PIEZO2: variants seen among roughly 807,000 people sequenced by gnomAD.
PIEZO2 encodes the protein piezo-type mechanosensitive ion channel component 2.
A neutral mutation model predicts 337.3 loss-of-function variants in PIEZO2; 172 were observed. The ratio of observed to expected loss-of-function variants is 0.51; its 90% CI spans 0.45 to 0.58. The LOEUF (loss-of-function observed/expected upper bound fraction) is 0.58. Among genes scored for constraint, PIEZO2 ranks in the 20% least tolerant of loss-of-function variants. The pLI is 0.00. For synonymous variants in PIEZO2, 1,251 were observed against 1,228.5 expected, an observed-to-expected ratio of 1.02 and a Z score of -0.38; for missense variants, 3,028 against 3,391.3, an observed-to-expected ratio of 0.89 and a Z score of 2.66.
chr18:10,697,612 A>G, intron 45 of PIEZO2, 136 bp downstream of exon 45: 1 of 1,151,602 alleles, frequency 8.7e-7, no homozygotes, highest in South Asian at 1.9e-5. Flanking sequence ...AAAAAGGGGT[A>G]ATTTCATTCT....
chr18:10,752,855 C>A lies in PIEZO2; in HGVS notation c.3948G>T (p.Val1316=). 1 of 1,536,794 alleles carries A rather than the reference C, an allele frequency of 6.5e-7. No homozygotes were observed. Among genetic ancestry groups the A allele is most frequent in the South Asian group, 1.2e-5 (1 of 84,008 alleles). ...HCRSYLDMSK[V]IIFSYLFWFV... ...ACCAGAAGAGGTAGCTGAAGATGAT[C>A]ACTTTGGACATGTCTAAGTAAGATC... The change falls in exon 28 of 56, where the codon GTG becomes GTT. Residue 1316 remains valine, a synonymous_variant. Transcript: ENST00000674853.
In PIEZO2 at chr18:10,756,653, G is replaced by T. The variant is rs138834012; in HGVS notation, c.3923+1316C>A. Reference sequence around the variant, plus strand: ...GATGAGGAGGAGGGGTGGGGATGAGGATGAGCTATGAGGATGAGGAGGAGG... The same window carrying T: ...GATGAGGAGGAGGGGTGGGGATGAGTATGAGCTATGAGGATGAGGAGGAGG... On this transcript the variant is annotated intron_variant, in intron 27 of 55. Transcript: ENST00000674853. Among the ~76,000 whole-genome samples the T allele has an allele frequency of 2.2e-3, 326 of 146,604 alleles. 4 individuals are homozygous for T. The highest frequency in any genetic ancestry group is 7.9e-3 in the African/African-American group (315 of 39,742).
chr18:10,849,487 G>A (rs940882060), intron 7 of PIEZO2, among the ~76,000 whole-genome samples: 7 of 152,210 alleles, frequency 4.6e-5, no homozygotes, highest in African/African-American at 1.7e-4. Context: ...TCCCAGTAGT[G>A]AAACAGGAAT....
chr18:10,976,347 C>G (rs1015221590), intron 3 of PIEZO2, among the ~76,000 whole-genome samples: 1 of 152,194 alleles, frequency 6.6e-6, no homozygotes, highest in South Asian at 2.1e-4. Flanking sequence ...TTACAGGCAT[C>G]ACTAGTTTTT....
Position 10,761,130 on chromosome 18 carries a change from C to T in PIEZO2, c.3250-19G>A. Reference sequence around the variant, plus strand: ...GGTTATTCTACAAAGCAAGGAAACACAAATGTGTCAGCCAGAGGCTTTATG... The same window carrying T: ...GGTTATTCTACAAAGCAAGGAAACATAAATGTGTCAGCCAGAGGCTTTATG... On this transcript the variant is annotated intron_variant, in intron 23 of 55. Transcript: ENST00000674853. 2 of 1,529,398 alleles carry T rather than the reference C, an allele frequency of 1.3e-6. No individual in the cohort carries two copies. Among genetic ancestry groups the T allele is most frequent in the Non-Finnish European group, 1.8e-6 (2 of 1,139,798 alleles). The allele number at this position is 1,529,398 out of a possible 1,614,324, so 94.7% of individuals were successfully genotyped here.
intron 3 of PIEZO2, among the ~76,000 whole-genome samples, chr18:10,917,734 G>GT (rs1222046791): frequency 1.3e-5 from 2 of 152,256 alleles, no homozygotes; most frequent in South Asian, 2.1e-4. Flanking sequence ...GGAAGTGGTG[G>GT]TTTTTTGCCA....
chr18:10,953,443 A>C lies in PIEZO2; in HGVS notation c.286+26092T>G, dbSNP rs765195570. Among the ~76,000 whole-genome samples, 35 of 152,286 alleles carry C rather than the reference A, an allele frequency of 2.3e-4. No individual in the cohort carries two copies. The highest frequency in any genetic ancestry group is 2.5e-4 in the Non-Finnish European group (17 of 68,014). On this transcript the variant is annotated intron_variant, in intron 3 of 55. Coordinates refer to ENST00000674853, the MANE Select transcript of PIEZO2 (RefSeq NM_001378183.1). The surrounding 1 kb of genome is among the most constrained non-coding windows in gnomAD (Gnocchi z 5.2). Reference sequence around the variant, plus strand: ...ATTTTTGTATATGGAGCAAATTAAGAATTTAAGTTCTTTTTTTAATATAAA... The same window carrying C: ...ATTTTTGTATATGGAGCAAATTAAGCATTTAAGTTCTTTTTTTAATATAAA...
chr18:10,727,220 G>T lies in PIEZO2; in HGVS notation c.5029+4187C>A. 3.4e-6 allele frequency: 1 copy of T among 292,444 alleles called. No homozygotes were observed. Among genetic ancestry groups the T allele is most frequent in the South Asian group, 1.3e-4 (1 of 7,584 alleles). 18.1% of individuals were successfully genotyped at this position (292,444 alleles called of 1,614,324 possible). Reference sequence around the variant, plus strand: ...GAGGGAAGGCATGGGGGCAGGAAGGGAGCTGAGCATTGATGGGGATGAGGG... The same window carrying T: ...GAGGGAAGGCATGGGGGCAGGAAGGTAGCTGAGCATTGATGGGGATGAGGG... On this transcript the variant is annotated intron_variant, in intron 36 of 55. Transcript: ENST00000674853. This position sits in a 1 kb window ranked among gnomAD's most constrained non-coding sequence, Gnocchi z 6.3.
rs534840321 is a variant in PIEZO2 at position 10,815,971 on chromosome 18, T to C, written c.918-8697A>G. Among the ~76,000 whole-genome samples, 5 of 152,096 alleles carry C rather than the reference T, an allele frequency of 3.3e-5. No homozygotes were observed. The East Asian group carries it at 7.7e-4, about 24-fold the overall frequency. ...TGGAGTGGAAACATCATCAGTGCAATAAAAACTCCCATTTGGAGAAAGGAG... is the reference window on the plus strand; with the variant it reads ...TGGAGTGGAAACATCATCAGTGCAACAAAAACTCCCATTTGGAGAAAGGAG... On this transcript the variant is annotated intron_variant, in intron 7 of 55. Transcript: ENST00000674853. This position sits in a 1 kb window ranked among gnomAD's most constrained non-coding sequence, Gnocchi z 4.1.
chr18:11,008,444 G>A (rs888880801), intron 2 of PIEZO2, among the ~76,000 whole-genome samples: 6 of 152,140 alleles, frequency 3.9e-5, no homozygotes, highest in Admixed American at 3.3e-4. Flanking sequence ...CTAACTTCCT[G>A]GCCAACTGCA....
At position 11,116,447 on chromosome 18, in the gene PIEZO2, C is replaced by T. The variant is rs1339175150; in HGVS notation, c.64+32078G>A. ...GAAATTTGCAGGCCGGGCGCGGTGG[C>T]TCACGCCTGTAAACCCAGCACTTTG... is the stretch of plus-strand genomic sequence containing the variant. On this transcript the variant is annotated intron_variant, in intron 1 of 55. Coordinates refer to ENST00000674853, the MANE Select transcript of PIEZO2 (RefSeq NM_001378183.1). The surrounding 1 kb of genome is among the most constrained non-coding windows in gnomAD (Gnocchi z 5.0). 6.6e-6 allele frequency among the ~76,000 whole-genome samples: 1 copy of T among 152,154 alleles called. No homozygotes were observed. The highest frequency in any genetic ancestry group is 2.4e-5 in the African/African-American group (1 of 41,432).
chr18:10,684,114 TTCTTTCTTTCTCTCTCTC>T (rs1415614108), intron 49 of PIEZO2, among the ~76,000 whole-genome samples: 2 of 131,650 alleles, frequency 1.5e-5, no homozygotes, highest in African/African-American at 3.3e-5. Flanking sequence ...CTCTCTTTCT[TTCTTTCTTTCTCTCTCTC>T]TCTTTCTTTC....
chr18:10,748,146 C>T lies in PIEZO2; in HGVS notation c.4424+325G>A, dbSNP rs1385476868. 1.3e-5 allele frequency among the ~76,000 whole-genome samples: 2 copies of T among 152,130 alleles called. No individual in the cohort carries two copies. The highest frequency in any genetic ancestry group is 2.9e-5 in the Non-Finnish European group (2 of 68,034). ...TAAGATGGACTAAACTCCAGACCAA[C>T]GTGGCATATGTTGCTGTTTTGTCTG... On this transcript the variant is annotated intron_variant, in intron 30 of 55. Transcript: ENST00000674853. The surrounding 1 kb of genome is among the most constrained non-coding windows in gnomAD (Gnocchi z 5.1).
rs1256294138 is a variant in PIEZO2, at chr18:10,760,872, T to C, written c.3450+39A>G. ...CCAGAAGCAGTTCTTTGAATTTTCA[T>C]GGAAAAGAGAAATAAAACATATCAG... On this transcript the variant is annotated intron_variant, in intron 24 of 55. Coordinates refer to ENST00000674853, the MANE Select transcript of PIEZO2 (RefSeq NM_001378183.1). 10 of 1,469,030 alleles carry C rather than the reference T, an allele frequency of 6.8e-6. No individual in the cohort carries two copies. In the Admixed American group the frequency reaches 1.2e-4, roughly 18 times the overall value. 91.0% of individuals were successfully genotyped at this position (1,469,030 alleles called of 1,614,324 possible). A position where few individuals can be genotyped will look rare whatever the true frequency, so the allele number is the denominator to read the frequency against.
intron 2 of PIEZO2, among the ~76,000 whole-genome samples, chr18:11,018,835 T>C (rs959185977): frequency 1.3e-5 from 2 of 152,172 alleles, no homozygotes; most frequent in African/African-American, 4.8e-5. Flanking sequence ...AGGTATACAA[T>C]TCTACCCATA....
chr18:10,764,142 T>C (rs1483705037), intron 21 of PIEZO2, among the ~76,000 whole-genome samples: 2 of 152,204 alleles, frequency 1.3e-5, no homozygotes, highest in Admixed American at 6.5e-5. Flanking sequence ...TTGGACAGTA[T>C]AGAAGGACCA....
chr18:10,981,195 C>T (rs543452247), intron 2 of PIEZO2, among the ~76,000 whole-genome samples: 76 of 152,160 alleles, frequency 5.0e-4, no homozygotes, highest in African/African-American at 1.7e-3. Context: ...GATACTGCTA[C>T]ACTTGTTGGA....
In PIEZO2 at chr18:10,969,998, T is replaced by G. The variant is rs2034169485; in HGVS notation, c.286+9537A>C. ...CAGCCACTGTGGTCAGTGCTCAGGTTACAAAAAAAAATGAAACATGAGAGG... is the reference window on the plus strand; with the variant it reads ...CAGCCACTGTGGTCAGTGCTCAGGTGACAAAAAAAAATGAAACATGAGAGG... On this transcript the variant is annotated intron_variant, in intron 3 of 55. Coordinates refer to ENST00000674853, the MANE Select transcript of PIEZO2 (RefSeq NM_001378183.1). The surrounding 1 kb of genome is among the most constrained non-coding windows in gnomAD (Gnocchi z 4.5). 1.4e-5 allele frequency among the ~76,000 whole-genome samples: 2 copies of G among 146,838 alleles called. No individual in the cohort carries two copies. Among genetic ancestry groups the G allele is most frequent in the South Asian group, 2.2e-4 (1 of 4,562 alleles).
chr18:10,729,635 A>G (rs1259912861), intron 36 of PIEZO2, among the ~76,000 whole-genome samples: 1 of 151,428 alleles, frequency 6.6e-6, no homozygotes, highest in East Asian at 1.9e-4. Flanking sequence ...AAAAAAAAAA[A>G]AAAAGAAAAG....
Sources: allele counts gnomAD v4.1 joint callset (sites outside exome capture counted in the v4.1 genomes callset), GRCh38; gene constraint gnomAD v4.1.1; non-coding constraint Gnocchi (gnomAD v3.1); transcripts MANE v1.5; gene names NCBI Gene and HGNC (gene_info 2026-07-23, HGNC 2026-07-21).